Variants in GPR158 observed in about 807,000 individuals in gnomAD.
GPR158 encodes G protein-coupled receptor 158.
Under a neutral mutation model 78.2 loss-of-function variants are expected in GPR158, and 30 were observed. The ratio of observed to expected loss-of-function variants is 0.38; its 90% CI spans 0.29 to 0.52. The LOEUF is 0.52. Ranked by LOEUF, GPR158 falls within the 20% of genes least tolerant of loss-of-function variation. GPR158 has a pLI of 0.83. For missense variants in GPR158, 1,463 were observed against 1,523.5 expected (o/e 0.96, Z 0.66); for synonymous variants, 581 against 591.1 (o/e 0.98, Z 0.25).
chr10:25,563,361 T>C (rs1272652495), intron 6 of GPR158, among the ~76,000 whole-genome samples: 1 of 152,196 alleles, frequency 6.6e-6, no homozygotes, highest in Non-Finnish European at 1.5e-5. Flanking sequence ...AACTCTCTTA[T>C]AGAAAACATA....
In GPR158 at chr10:25,325,533, G is replaced by A. The variant is rs185351083; in HGVS notation, c.1009-70378G>A. On this transcript the variant is annotated intron_variant, in intron 2 of 10. Coordinates refer to ENST00000376351, the MANE Select transcript of GPR158 (RefSeq NM_020752.3). ...CATTCATCTATCCATGGATACTTAG[G>A]TTGATTCCATTTATTGGCTACTGTG... Among the ~76,000 whole-genome samples the A allele has an allele frequency of 3.1e-4, 47 of 152,092 alleles. 1 individual carries two copies. The East Asian group carries it at 6.4e-3, about 21-fold the overall frequency.
intron 1 of GPR158, among the ~76,000 whole-genome samples, chr10:25,216,593 C>T (rs1853219008): frequency 6.6e-6 from 1 of 151,944 alleles, no homozygotes; most frequent in Non-Finnish European, 1.5e-5. Context: ...AAGATATAGA[C>T]CATGGAAATT....
At chr10:25,589,282 C>A in intron 8 of GPR158, 137 bp downstream of exon 8, 1 of 556,472 alleles carries the variant, frequency 1.8e-6, no homozygotes, top group Non-Finnish European at 3.0e-6. Flanking sequence ...ATTTCTTTTA[C>A]AGATTTGGAA....
chr10:25,579,029 TAAAAA>T (rs145847545), intron 7 of GPR158, among the ~76,000 whole-genome samples: 19,975 of 151,078 alleles, frequency 0.13, 2,134 homozygotes, highest in African/African-American at 0.29. Flanking sequence ...AAAATAAAAA[TAAAAA>T]AATAAAGATT....
At chr10:25,305,023 G>A (rs1443707485) in intron 2 of GPR158, among the ~76,000 whole-genome samples, 1 of 152,172 alleles carries the variant, frequency 6.6e-6, no homozygotes, top group South Asian at 2.1e-4. Context: ...GGCTCTACCT[G>A]TTCAGATACT....
intron 4 of GPR158, among the ~76,000 whole-genome samples, chr10:25,436,730 A>C (rs1299578471): frequency 1.3e-5 from 2 of 152,212 alleles, no homozygotes; most frequent in Non-Finnish European, 1.5e-5. Flanking sequence ...ATGATGGTTG[A>C]GGAAGTAGAG....
chr10:25,196,770 T>A (rs1007949624), intron 1 of GPR158, among the ~76,000 whole-genome samples: 1 of 152,208 alleles, frequency 6.6e-6, no homozygotes, highest in Non-Finnish European at 1.5e-5. Context: ...AGTTCTTGAT[T>A]TTTTGCTTGG....
chr10:25,399,511 C>G (rs968361132), intron 3 of GPR158, among the ~76,000 whole-genome samples: 2 of 152,168 alleles, frequency 1.3e-5, no homozygotes, highest in African/African-American at 4.8e-5. Context: ...CATCCCCAAA[C>G]TGTCATCCTG....
intron 3 of GPR158, among the ~76,000 whole-genome samples, chr10:25,410,699 T>G (rs844042): frequency 0.82 from 125,382 of 152,176 alleles, 52,746 homozygotes; most frequent in African/African-American, 0.89. Context: ...ACCCCAAGTG[T>G]TCTAGTGAGT....
At chr10:25,289,057 A>C (rs1854395471) in intron 2 of GPR158, among the ~76,000 whole-genome samples, 1 of 152,222 alleles carries the variant, frequency 6.6e-6, no homozygotes, top group Admixed American at 6.5e-5. Flanking sequence ...TTTGTGACTT[A>C]CAAGCAACTT....
Position 25,598,426 on chromosome 10 carries a change from C to G in GPR158, c.2800C>G (p.Pro934Ala), listed in dbSNP as rs147537022. 8.1e-6 allele frequency: 13 copies of G among 1,614,036 alleles called. No homozygotes were observed. Among genetic ancestry groups the G allele is most frequent in the Non-Finnish European group, 1.1e-5 (13 of 1,180,016 alleles). ...GGAAGAACGCACTAAATCCCAGAAA[C>G]CTTTGCCAAAAGATAAAGAGACAAA... ...GVEERTKSQK[P>A]LPKDKETNRN... Residue 934 changes from proline to alanine, a missense_variant, in exon 11 of 11, where the codon CCT (proline) becomes GCT (alanine). Pro to Ala is a conservative substitution (Grantham distance 27, BLOSUM62 -1). Coordinates refer to ENST00000376351, the MANE Select transcript of GPR158 (RefSeq NM_020752.3).
intron 5 of GPR158, among the ~76,000 whole-genome samples, chr10:25,521,024 G>T (rs573934454): frequency 0.017 from 2,612 of 152,324 alleles, 65 homozygotes; most frequent in African/African-American, 0.06. Flanking sequence ...GAGACTCTGT[G>T]GGCGTAGGAC....
chr10:25,385,740 A>G (rs998143287), intron 2 of GPR158, among the ~76,000 whole-genome samples: 5 of 152,060 alleles, frequency 3.3e-5, no homozygotes, highest in Admixed American at 6.6e-5. Context: ...ACATCTTTTC[A>G]TTGGCTTATT....
intron 2 of GPR158, among the ~76,000 whole-genome samples, chr10:25,280,083 A>C (rs1002795045): frequency 6.6e-6 from 1 of 152,222 alleles, no homozygotes; most frequent in African/African-American, 2.4e-5. Context: ...AAATCAGGTC[A>C]AATAAAAAGC....
intron 4 of GPR158, among the ~76,000 whole-genome samples, chr10:25,414,373 G>A (rs1412088443): frequency 1.3e-5 from 2 of 152,072 alleles, no homozygotes; most frequent in Non-Finnish European, 2.9e-5. Context: ...TCACTTTAGT[G>A]AAATTTCTAT....
At chr10:25,572,225 T>C (rs1258662409) in intron 6 of GPR158, among the ~76,000 whole-genome samples, 3 of 152,254 alleles carry the variant, frequency 2.0e-5, no homozygotes, top group Admixed American at 1.3e-4. Flanking sequence ...TATGAACCTA[T>C]TGACTCAATG....
rs940658614 is a variant in GPR158 at position 25,601,948 on chromosome 10, T to C, written c.*2674T>C. On this transcript the variant is annotated 3_prime_UTR_variant, in exon 11 of 11. Coordinates refer to ENST00000376351, the MANE Select transcript of GPR158 (RefSeq NM_020752.3). ...GTAAACTTTGGTGGCAATATGGATT[T>C]GAAACTCGACAGTTCTCTTGTATTT... 6.6e-6 allele frequency: 1 copy of C among 152,642 alleles called. No individual in the cohort carries two copies. The highest frequency in any genetic ancestry group is 1.5e-5 in the Non-Finnish European group (1 of 68,034). 9.5% of individuals were successfully genotyped at this position (152,642 alleles called of 1,614,324 possible). A position where few individuals can be genotyped will look rare whatever the true frequency, so the allele number is the denominator to read the frequency against.
At chr10:25,209,027 T>C (rs1392879049) in intron 1 of GPR158, among the ~76,000 whole-genome samples, 5 of 152,020 alleles carry the variant, frequency 3.3e-5, no homozygotes, top group Admixed American at 1.3e-4. Context: ...TTTTTTGTTT[T>C]GTATTTTTAT....
chr10:25,557,540 C>T (rs369456497), intron 6 of GPR158, among the ~76,000 whole-genome samples: 6 of 152,360 alleles, frequency 3.9e-5, no homozygotes, highest in South Asian at 2.1e-4. Flanking sequence ...CACCCTGCCG[C>T]CTCCAGTGAC....
Sources: allele counts gnomAD v4.1 joint callset (sites outside exome capture counted in the v4.1 genomes callset), GRCh38; gene constraint gnomAD v4.1.1; transcripts MANE v1.5; gene names NCBI Gene and HGNC (gene_info 2026-07-23, HGNC 2026-07-21).